FLRT1: variants seen among roughly 807,000 people sequenced by gnomAD.
FLRT1 encodes fibronectin leucine rich transmembrane protein 1, also known as leucine-rich repeat transmembrane protein FLRT1.
FLRT1 carries 14 observed loss-of-function variants against 30.9 expected under a neutral mutation model. That is an observed-to-expected ratio of 0.45 (90% CI 0.30 to 0.71). The LOEUF is 0.71. Ranked by LOEUF, FLRT1 falls within the 30% of genes least tolerant of loss-of-function variation. The pLI is 0.08. For synonymous variants in FLRT1, 368 were observed against 430.4 expected, an observed-to-expected ratio of 0.85 and a Z score of 1.80; for missense variants, 737 against 949.2, an observed-to-expected ratio of 0.78 and a Z score of 2.94.
chr11:64,053,561 C>A (rs1259496106), intron 1 of FLRT1, among the ~76,000 whole-genome samples: 1 of 152,098 alleles, frequency 6.6e-6, no homozygotes, highest in Admixed American at 6.5e-5. Flanking sequence ...TGGACTCAGA[C>A]ACCACAGCAC....
intron 1 of FLRT1, among the ~76,000 whole-genome samples, chr11:64,093,010 C>T (rs550157659): frequency 7.1e-4 from 108 of 152,266 alleles, no homozygotes; most frequent in African/African-American, 1.9e-3. Context: ...CTGGCCACAC[C>T]GGAGTGGCTG....
chr11:64,083,649 G>A (rs1352833941), intron 1 of FLRT1, among the ~76,000 whole-genome samples: 1 of 152,224 alleles, frequency 6.6e-6, no homozygotes, highest in Non-Finnish European at 1.5e-5. Flanking sequence ...AGGCCGCAGT[G>A]AGATGCCAAC....
chr11:64,036,667 G>A lies in FLRT1; in HGVS notation c.-1038+508G>A, dbSNP rs1255474985. On this transcript the variant is annotated intron_variant, in intron 1 of 2. Coordinates refer to ENST00000682287, the MANE Select transcript of FLRT1 (RefSeq NM_013280.5). The surrounding 1 kb of genome is among the most constrained non-coding windows in gnomAD (Gnocchi z 5.6). ...TGGAGCGAGGTTTTATTTTTAAAAC[G>A]ACTTCAAGGGGGGCATGAGCAGCCT... Among the ~76,000 whole-genome samples, 1 of 152,136 alleles carries A rather than the reference G, an allele frequency of 6.6e-6. No individual in the cohort carries two copies. The highest frequency in any genetic ancestry group is 1.5e-5 in the Non-Finnish European group (1 of 68,000).
chr11:64,114,548 C>G (rs1399447373), intron 2 of FLRT1, among the ~76,000 whole-genome samples: 3 of 136,078 alleles, frequency 2.2e-5, no homozygotes, highest in Admixed American at 7.1e-5. Flanking sequence ...TGGATTGATG[C>G]ATGGATGGAT....
rs909843433 is a variant in FLRT1 at position 64,090,417 on chromosome 11, C to T, written c.-1037-12777C>T. On this transcript the variant is annotated intron_variant, in intron 1 of 2. Coordinates refer to ENST00000682287, the MANE Select transcript of FLRT1 (RefSeq NM_013280.5). This position sits in a 1 kb window ranked among gnomAD's most constrained non-coding sequence, Gnocchi z 4.7. ...AGCCTGGTGCTTTATTTCCTCAACT[C>T]ACCTCCAGCCCGGGCAGCAGTGGGT... is the stretch of plus-strand genomic sequence containing the variant. Among the ~76,000 whole-genome samples, 2 of 152,212 alleles carry T rather than the reference C, an allele frequency of 1.3e-5. No individual in the cohort carries two copies. The highest frequency in any genetic ancestry group is 2.9e-5 in the Non-Finnish European group (2 of 68,036).
At chr11:64,037,985 G>A (rs1343326821) in intron 1 of FLRT1, among the ~76,000 whole-genome samples, 2 of 152,184 alleles carry the variant, frequency 1.3e-5, no homozygotes, top group African/African-American at 4.8e-5. Context: ...AAGGGCTGAG[G>A]GTATCTGCAG....
Position 64,116,229 on chromosome 11 carries a change from T to G in FLRT1, c.-39T>G. The G allele has an allele frequency of 6.4e-7, 1 of 1,568,824 alleles. No individual in the cohort carries two copies. Among genetic ancestry groups the G allele is most frequent in the South Asian group, 1.2e-5 (1 of 85,436 alleles). On this transcript the variant is annotated 5_prime_UTR_variant, in exon 3 of 3. Transcript: ENST00000682287. ...CTGTGCTCCTTGCAGGTATTCAGGC[T>G]CCAGGCCAGGTGGGGCCGGACGCCC...
At chr11:64,041,199 TAAAAAAAAAAAAAA>T (rs71045724) in intron 1 of FLRT1, among the ~76,000 whole-genome samples, 15 of 21,606 alleles carry the variant, frequency 6.9e-4, no homozygotes, top group African/African-American at 2.1e-3. Flanking sequence ...TAGCAAACTG[TAAAAAAAAAAAAAA>T]AAAAAAAAAA....
chr11:64,106,928 C>T (rs1232186447), intron 2 of FLRT1, among the ~76,000 whole-genome samples: 1 of 152,076 alleles, frequency 6.6e-6, no homozygotes, highest in African/African-American at 2.4e-5. Flanking sequence ...GTCACTCGGG[C>T]TGGAGTGCAG....
chr11:64,112,391 G>A (rs1944878804), intron 2 of FLRT1, among the ~76,000 whole-genome samples: 1 of 152,134 alleles, frequency 6.6e-6, no homozygotes, highest in Admixed American at 6.5e-5. Flanking sequence ...GTGCACACCT[G>A]TAGTCCCAGC....
chr11:64,065,789 CAA>C (rs58096977), intron 1 of FLRT1, among the ~76,000 whole-genome samples: 10,323 of 67,374 alleles, frequency 0.15, 497 homozygotes, highest in African/African-American at 0.23. Context: ...GACTCCGCCT[CAA>C]AAAAAAAAAA....
At chr11:64,071,676 C>A (rs1944110116) in intron 1 of FLRT1, among the ~76,000 whole-genome samples, 1 of 152,210 alleles carries the variant, frequency 6.6e-6, no homozygotes, top group South Asian at 2.1e-4. Context: ...CAGAGCCCCC[C>A]AGCTTGGTGG....
intron 1 of FLRT1, among the ~76,000 whole-genome samples, chr11:64,094,866 G>T (rs539496785): frequency 6.6e-6 from 1 of 152,358 alleles, no homozygotes; most frequent in East Asian, 1.9e-4. Flanking sequence ...AGGTTGGGGG[G>T]CCCAGGAGTG....
At chr11:64,045,732 C>T (rs1247271878) in intron 1 of FLRT1, among the ~76,000 whole-genome samples, 1 of 152,120 alleles carries the variant, frequency 6.6e-6, no homozygotes, top group Non-Finnish European at 1.5e-5. Flanking sequence ...CCCCTGGATG[C>T]CAAAAACCAG....
chr11:64,117,465 G>T lies in FLRT1; in HGVS notation c.1198G>T (p.Ala400Ser). ...AAAKTTASNH[A>S]SATTPQGSLF... is the part of the protein sequence containing the mutation. ...TGCCAAGACCACGGCCAGCAACCAC[G>T]CCTCTGCCACCACGCCCCAGGGTTC... The change falls in exon 3 of 3, where the codon GCC becomes TCC. Residue 400 changes from alanine to serine, a missense_variant. Physicochemically the swap from Ala to Ser is moderately conservative, Grantham distance 99 (BLOSUM62 1). Transcript: ENST00000682287. 1 of 1,612,930 alleles carries T rather than the reference G, an allele frequency of 6.2e-7. No individual in the cohort carries two copies. Among genetic ancestry groups the T allele is most frequent in the Non-Finnish European group, 8.5e-7 (1 of 1,179,180 alleles).
intron 1 of FLRT1, among the ~76,000 whole-genome samples, chr11:64,081,162 C>T (rs565147653): frequency 3.2e-4 from 49 of 152,296 alleles, no homozygotes; most frequent in Admixed American, 2.0e-3. Context: ...GCTGGGATTA[C>T]AGGTGTCCAC....
chr11:64,066,367 C>T (rs901697591), intron 1 of FLRT1, among the ~76,000 whole-genome samples: 1 of 149,508 alleles, frequency 6.7e-6, no homozygotes, highest in Non-Finnish European at 1.5e-5. Flanking sequence ...AGTCCCAGCA[C>T]TTTAGGAGGC....
intron 1 of FLRT1, among the ~76,000 whole-genome samples, chr11:64,043,217 T>C (rs1163452506): frequency 6.6e-6 from 1 of 152,098 alleles, no homozygotes; most frequent in Non-Finnish European, 1.5e-5. Context: ...TGGGAACCAG[T>C]AGTTACTTTG....
intron 2 of FLRT1, among the ~76,000 whole-genome samples, chr11:64,111,454 A>T (rs1039285928): frequency 2.6e-5 from 4 of 152,182 alleles, no homozygotes; most frequent in Non-Finnish European, 4.4e-5. Flanking sequence ...CCTGCTCATA[A>T]GTGGCTTGAG....
Sources: gnomAD v4.1 joint callset for allele counts (sites outside exome capture counted in the v4.1 genomes callset) on GRCh38, gnomAD v4.1.1 for gene constraint, Gnocchi (gnomAD v3.1) non-coding constraint, MANE v1.5 for transcripts, NCBI Gene and HGNC (gene_info 2026-07-23, HGNC 2026-07-21) for gene names.